The following RASGRF1 variants were observed in gnomAD, a reference collection of about 807,000 sequenced individuals.
RASGRF1 encodes ras-specific guanine nucleotide-releasing factor 1.
Under a neutral mutation model 138.7 loss-of-function variants are expected in RASGRF1, and 40 were observed. That is an observed-to-expected ratio of 0.29 (90% CI 0.22 to 0.38). RASGRF1 has a LOEUF of 0.38. RASGRF1 is among the 10% of genes least tolerant of loss of function. The probability of loss-of-function intolerance (pLI) is 1.00; values close to 1 mark genes in which losing one functional copy is unlikely to be tolerated. For synonymous variants in RASGRF1, 614 were observed against 663.2 expected (o/e 0.93, Z 1.14); for missense variants, 1,108 against 1,650.4 (o/e 0.67, Z 5.69).
At chr15:79,034,786 G>A (rs2057194958) in intron 6 of RASGRF1, among the ~76,000 whole-genome samples, 1 of 152,160 alleles carries the variant, frequency 6.6e-6, no homozygotes, top group Non-Finnish European at 1.5e-5. Flanking sequence ...AAAATTGGAA[G>A]AAAACACACC....
At chr15:79,048,779 T>C (rs1166342168) in intron 4 of RASGRF1, among the ~76,000 whole-genome samples, 1 of 152,206 alleles carries the variant, frequency 6.6e-6, no homozygotes, top group Non-Finnish European at 1.5e-5. Flanking sequence ...GTTTGCAGTT[T>C]CTAGGGATGG....
intron 1 of RASGRF1, among the ~76,000 whole-genome samples, chr15:79,076,498 C>T (rs541796455): frequency 6.6e-6 from 1 of 152,210 alleles, no homozygotes; most frequent in Non-Finnish European, 1.5e-5. Flanking sequence ...AGTGGACATG[C>T]ACCAGGGTTC....
chr15:79,014,641 G>T (rs2056849421), intron 13 of RASGRF1, among the ~76,000 whole-genome samples: 1 of 152,132 alleles, frequency 6.6e-6, no homozygotes, highest in Non-Finnish European at 1.5e-5. Context: ...GGAGCCGGAG[G>T]CGGTGGCTCA....
rs763130976 is a variant in RASGRF1, at chr15:79,090,331, G to A, written c.168C>T (p.Ser56=). 46 of 1,613,772 alleles carry A rather than the reference G, an allele frequency of 2.9e-5. No homozygotes were observed. The highest frequency in any genetic ancestry group is 3.8e-5 in the Non-Finnish European group (45 of 1,179,982). ...LLQNLLFYFE[S]DSSSRPSGLY... is the part of the protein sequence containing the mutation. ...GCCCCGAGGGCCGCGAGCTCGAGTC[G>A]CTCTCGAAGTAGAAGAGCAGGTTCT... Residue 56 remains serine (S), a synonymous_variant, in exon 1 of 27, where the codon AGC becomes AGT. Transcript: ENST00000558480.
At position 79,004,061 on chromosome 15, in the gene RASGRF1, G is replaced by T. The variant is rs575397814; in HGVS notation, c.2190C>A (p.Thr730=). The change falls in exon 15 of 27, where the codon ACC becomes ACA. Residue 730 remains threonine (T), a synonymous_variant. Transcript: ENST00000558480. ...GCCGGCGGCTCGGTGACGATGTCTT[G>T]GTGATGGACAGAGGTGGCGGCGAGG... ...KFSSPPPLSI[T]KTSSPSRRRK... The T allele has an allele frequency of 6.2e-7, 1 of 1,614,154 alleles. No homozygotes were observed. Among genetic ancestry groups the T allele is most frequent in the Non-Finnish European group, 8.5e-7 (1 of 1,180,030 alleles).
rs531791253 is a variant in RASGRF1, at chr15:79,082,714, G to C, written c.276+7509C>G. On this transcript the variant is annotated intron_variant, in intron 1 of 26. Transcript: ENST00000558480. ...AACTAACAGGGCTTCGTGATGATTT[G>C]TCCACAGGGATGAAGAAAGCTCCTG... Among the ~76,000 whole-genome samples the C allele has an allele frequency of 2.6e-5, 4 of 152,330 alleles. No individual in the cohort carries two copies. In the South Asian group the frequency reaches 6.2e-4, roughly 24 times the overall value.
intron 22 of RASGRF1, among the ~76,000 whole-genome samples, chr15:78,989,909 G>T (rs1410806426): frequency 6.6e-6 from 1 of 152,204 alleles, no homozygotes; most frequent in Non-Finnish European, 1.5e-5. Context: ...ACAAGTTCTG[G>T]GTGAGGGCTC....
chr15:78,966,328 T>C (rs1181192099), intron 26 of RASGRF1, among the ~76,000 whole-genome samples: 1 of 151,296 alleles, frequency 6.6e-6, no homozygotes, highest in Non-Finnish European at 1.5e-5. Flanking sequence ...CCTCAACCTC[T>C]TGGGCTCAAG....
At chr15:79,063,559 T>C (rs1595955672) in intron 2 of RASGRF1, among the ~76,000 whole-genome samples, 1 of 152,238 alleles carries the variant, frequency 6.6e-6, no homozygotes, top group East Asian at 1.9e-4. Context: ...CCATCCATCC[T>C]TGCATTCCTC....
At chr15:78,983,506 A>C (rs2056081320) in intron 23 of RASGRF1, among the ~76,000 whole-genome samples, 1 of 152,162 alleles carries the variant, frequency 6.6e-6, no homozygotes, top group Admixed American at 6.5e-5. Context: ...AAATGCAAGG[A>C]GTGTGGGTTC....
At chr15:79,043,264 T>A (rs2057319081) in intron 5 of RASGRF1, among the ~76,000 whole-genome samples, 1 of 152,206 alleles carries the variant, frequency 6.6e-6, no homozygotes, top group African/African-American at 2.4e-5. Context: ...TTCACTTTGC[T>A]ATTTTGTATA....
At position 79,066,611 on chromosome 15, in the gene RASGRF1, C is replaced by T. The variant is rs1415183917; in HGVS notation, c.277-2085G>A. 2.0e-5 allele frequency among the ~76,000 whole-genome samples: 3 copies of T among 152,216 alleles called. 1 individual carries two copies. The highest frequency in any genetic ancestry group is 4.4e-5 in the Non-Finnish European group (3 of 68,030). The stretch of plus-strand genomic sequence containing the variant: ...ACTCAGAGCTGCATGGGGTGATGGG[C>T]TTGGCTGAGGCCTTTCACTCTTCAC... On this transcript the variant is annotated intron_variant, in intron 1 of 26. Transcript: ENST00000558480.
intron 4 of RASGRF1, among the ~76,000 whole-genome samples, chr15:79,048,245 C>T (rs559676354): frequency 9.9e-5 from 15 of 152,210 alleles, no homozygotes; most frequent in Middle Eastern, 3.4e-3. Flanking sequence ...CCTAGAGGTG[C>T]GTGAGGCTAG....
At chr15:79,012,559 G>T (rs1207636949) in intron 13 of RASGRF1, 1 of 1,613,862 alleles carries the variant, frequency 6.2e-7, no homozygotes, top group Non-Finnish European at 8.5e-7. Flanking sequence ...AGATTGGTAA[G>T]CAGATGGGTC....
chr15:79,079,474 G>T (rs2057884407), intron 1 of RASGRF1, among the ~76,000 whole-genome samples: 1 of 136,990 alleles, frequency 7.3e-6, no homozygotes, highest in Admixed American at 7.2e-5. Flanking sequence ...AAAAAAAAAT[G>T]ATAGCATGTC....
chr15:78,970,184 C>G (rs911825059), intron 26 of RASGRF1, among the ~76,000 whole-genome samples: 1 of 152,072 alleles, frequency 6.6e-6, no homozygotes, highest in South Asian at 2.1e-4. Flanking sequence ...GAACTGCACA[C>G]TAGGAGGTTA....
chr15:79,026,158 G>A (rs1173359955), intron 9 of RASGRF1, among the ~76,000 whole-genome samples: 1 of 152,124 alleles, frequency 6.6e-6, no homozygotes, highest in Non-Finnish European at 1.5e-5. Flanking sequence ...TCCCCACTGA[G>A]GTCCACAGCT....
At chr15:78,995,127 C>T (rs926052723) in intron 20 of RASGRF1, among the ~76,000 whole-genome samples, 1 of 152,006 alleles carries the variant, frequency 6.6e-6, no homozygotes, top group Non-Finnish European at 1.5e-5. Context: ...CAGGGTTTCA[C>T]CATGTTGCCC....
rs2055767302 is a variant in RASGRF1, at chr15:78,971,851, A to G, written c.3681+15T>C. On this transcript the variant is annotated intron_variant, in intron 26 of 26. Transcript: ENST00000558480. The stretch of plus-strand genomic sequence containing the variant: ...TGTGAAAGCATGCAAGTGACCAGGA[A>G]AAGGCACAGCTTACCTTTGCTTGGT... 1 of 1,560,452 alleles carries G rather than the reference A, an allele frequency of 6.4e-7. No individual in the cohort carries two copies. Among genetic ancestry groups the G allele is most frequent in the Non-Finnish European group, 8.8e-7 (1 of 1,131,248 alleles).
Sources: gnomAD v4.1 joint callset for allele counts (sites outside exome capture counted in the v4.1 genomes callset) on GRCh38, gnomAD v4.1.1 for gene constraint, MANE v1.5 for transcripts, NCBI Gene and HGNC (gene_info 2026-07-23, HGNC 2026-07-21) for gene names.